SLC9C2: variants seen among roughly 807,000 people sequenced by gnomAD.
The protein encoded by SLC9C2 is solute carrier family 9 member C2 (putative), also known as sodium/hydrogen exchanger 11.
A neutral mutation model predicts 140.2 loss-of-function variants in SLC9C2; 75 were observed. That is an observed-to-expected ratio of 0.53 (90% confidence interval 0.44 to 0.65). The LOEUF (loss-of-function observed/expected upper bound fraction) is 0.65, where lower values mean the gene tolerates loss of function less well. SLC9C2 is among the 30% of genes least tolerant of loss of function. SLC9C2 has a pLI of 0.00. For synonymous variants in SLC9C2, 375 were observed against 420.9 expected (o/e 0.89, Z 1.34); for missense variants, 1,074 against 1,331.8 (o/e 0.81, Z 3.01).
chr1:173,600,089 A>T (rs1291033051), intron 3 of SLC9C2, 28 bp downstream of exon 3: 6 of 1,474,810 alleles, frequency 4.1e-6, no homozygotes, highest in African/African-American at 1.4e-5. Context: ...TTTTTCCTTT[A>T]TTCTCTAATT....
intron 5 of SLC9C2, among the ~76,000 whole-genome samples, chr1:173,585,062 T>C (rs1665769671): frequency 6.6e-6 from 1 of 152,232 alleles, no homozygotes; most frequent in Non-Finnish European, 1.5e-5. Flanking sequence ...TTTCTAAGCA[T>C]ATGGTTCTTT....
intron 9 of SLC9C2, among the ~76,000 whole-genome samples, chr1:173,565,448 C>T (rs1009136727): frequency 2.6e-5 from 4 of 152,236 alleles, no homozygotes; most frequent in African/African-American, 9.6e-5. Flanking sequence ...TTCCCAGCAC[C>T]ATTTATTGAA....
rs746559177 is a variant in SLC9C2 at position 173,517,706 on chromosome 1, T to A, written c.2740-2A>T. 6.3e-7 allele frequency: 1 copy of A among 1,596,690 alleles called. No homozygotes were observed. The highest frequency in any genetic ancestry group is 2.2e-5 in the East Asian group (1 of 44,572). Reference sequence around the variant, plus strand: ...AAAGGTAGGAGATAAACTATGCAACTGCAAAGGGAAAAAAAGTGTGCAAAG... The same window carrying A: ...AAAGGTAGGAGATAAACTATGCAACAGCAAAGGGAAAAAAAGTGTGCAAAG... On this transcript the variant is annotated splice_acceptor_variant, in intron 22 of 27. Coordinates refer to ENST00000367714, the MANE Select transcript of SLC9C2 (RefSeq NM_178527.4). LOFTEE classifies it high-confidence loss of function.
intron 13 of SLC9C2, among the ~76,000 whole-genome samples, chr1:173,545,504 A>G (rs1662779163): frequency 6.6e-6 from 1 of 152,156 alleles, no homozygotes; most frequent in Non-Finnish European, 1.5e-5. Flanking sequence ...CTTAAACAGT[A>G]GTGTCTGTTG....
chr1:173,524,715 T>C, intron 20 of SLC9C2, 64 bp downstream of exon 20: 9 of 1,565,776 alleles, frequency 5.7e-6, no homozygotes, highest in Non-Finnish European at 4.4e-6. Flanking sequence ...TCCCTCCTTA[T>C]TACACACTGC....
chr1:173,524,677 C>T, intron 20 of SLC9C2, 102 bp downstream of exon 20: 1 of 1,281,260 alleles, frequency 7.8e-7, no homozygotes, highest in Non-Finnish European at 1.1e-6. Context: ...ATAGAGTTAA[C>T]ACCTGTGGTT....
intron 7 of SLC9C2, among the ~76,000 whole-genome samples, chr1:173,580,594 C>G (rs952732963): frequency 6.6e-6 from 1 of 152,146 alleles, no homozygotes; most frequent in Non-Finnish European, 1.5e-5. Context: ...CTCAAGTGAT[C>G]CGCCTGCCTC....
In SLC9C2 at chr1:173,536,094, C is replaced by CTAT. The variant is rs1033070038; in HGVS notation, c.1656-148_1656-146dup. 8.5e-5 allele frequency: 54 copies of CTAT among 636,262 alleles called. No homozygotes were observed. In the African/African-American group the frequency reaches 1.1e-3, roughly 13 times the overall value. The allele number at this position is 636,262 out of a possible 1,614,324, so 39.4% of individuals were successfully genotyped here. On this transcript the variant is annotated intron_variant, in intron 14 of 27. Transcript: ENST00000367714. ...GTCTCATGCCTCTGCATCCATCCAC[C>CTAT]TATCCATCCATGGTCATGGTACAGG... is the stretch of plus-strand genomic sequence containing the variant.
At chr1:173,542,471 T>C (rs1438872355) in intron 13 of SLC9C2, among the ~76,000 whole-genome samples, 1 of 152,072 alleles carries the variant, frequency 6.6e-6, no homozygotes, top group African/African-American at 2.4e-5. Context: ...ACTATTCCAA[T>C]CAATAGAAAA....
intron 9 of SLC9C2, among the ~76,000 whole-genome samples, chr1:173,568,147 G>C (rs1664609628): frequency 6.6e-6 from 1 of 151,966 alleles, no homozygotes; most frequent in Non-Finnish European, 1.5e-5. Context: ...TTTTATTTTA[G>C]GTTTGGGAGT....
chr1:173,579,181 T>C (rs2102207238), intron 7 of SLC9C2, among the ~76,000 whole-genome samples: 1 of 152,302 alleles, frequency 6.6e-6, no homozygotes, highest in Non-Finnish European at 1.5e-5. Flanking sequence ...GCAACCAAAA[T>C]ACAGATATTT....
intron 8 of SLC9C2, 49 bp downstream of exon 8, chr1:173,576,612 T>G (rs752467917): frequency 2.3e-5 from 27 of 1,158,736 alleles, no homozygotes; most frequent in Non-Finnish European, 3.4e-5. Context: ...AGACGCCTTA[T>G]GCACTAAACT....
chr1:173,533,558 G>T (rs751841978), intron 17 of SLC9C2, 51 bp downstream of exon 17: 6 of 1,403,368 alleles, frequency 4.3e-6, no homozygotes, highest in East Asian at 2.3e-5. Flanking sequence ...GATTATAGGT[G>T]TGAGCTACCA....
chr1:173,588,532 G>A (rs1205440602), intron 4 of SLC9C2, among the ~76,000 whole-genome samples: 1 of 151,898 alleles, frequency 6.6e-6, no homozygotes, highest in Non-Finnish European at 1.5e-5. Flanking sequence ...AACGTCATAT[G>A]GTTTTTCTTC....
rs576385568 is a variant in SLC9C2, at chr1:173,539,504, T to C, written c.1558-2465A>G. ...AATATAACAGTAGGCTTGGGATGAGTTCAATATGGATTTGAGGTAGAGTGA... is the reference window on the plus strand; with the variant it reads ...AATATAACAGTAGGCTTGGGATGAGCTCAATATGGATTTGAGGTAGAGTGA... On this transcript the variant is annotated intron_variant, in intron 13 of 27. Transcript: ENST00000367714. Among the ~76,000 whole-genome samples the C allele has an allele frequency of 4.6e-5, 7 of 152,230 alleles. No homozygotes were observed. In the East Asian group the frequency reaches 9.6e-4, roughly 21 times the overall value.
At chr1:173,555,959 G>A (rs1425458918) in intron 10 of SLC9C2, among the ~76,000 whole-genome samples, 3 of 152,122 alleles carry the variant, frequency 2.0e-5, no homozygotes, top group Admixed American at 6.5e-5. Flanking sequence ...CCAAAAAGAA[G>A]GTATTAAATA....
intron 13 of SLC9C2, among the ~76,000 whole-genome samples, chr1:173,539,360 C>G (rs1662206297): frequency 6.6e-6 from 1 of 152,096 alleles, no homozygotes; most frequent in South Asian, 2.1e-4. Context: ...TTAAGATTCA[C>G]AAGAATGGAA....
intron 27 of SLC9C2, among the ~76,000 whole-genome samples, chr1:173,501,761 G>A (rs544894198): frequency 1.3e-5 from 2 of 152,140 alleles, no homozygotes; most frequent in Admixed American, 1.3e-4. Context: ...TTAAGAGAGA[G>A]GAGAGGAAGG....
At chr1:173,572,409 C>T (rs1474128247) in intron 9 of SLC9C2, among the ~76,000 whole-genome samples, 5 of 122,544 alleles carry the variant, frequency 4.1e-5, no homozygotes, top group African/African-American at 1.8e-4. Flanking sequence ...CAGTGCCTTG[C>T]GTTAGCAGAC....
Sources: allele counts gnomAD v4.1 joint callset (sites outside exome capture counted in the v4.1 genomes callset), GRCh38; gene constraint gnomAD v4.1.1; transcripts MANE v1.5; gene names NCBI Gene and HGNC (gene_info 2026-07-23, HGNC 2026-07-21).